The following SLC71A1 variants were observed in gnomAD, a reference collection of about 807,000 sequenced individuals.
SLC71A1 encodes the protein hippocampus abundant gene transcript 1.
chr1:100,049,314 A>G, the SLC71A1 span, among the ~76,000 whole-genome samples: 2 of 141,134 alleles, frequency 1.4e-5, no homozygotes, highest in African/African-American at 5.2e-5. Flanking sequence ...CACTTGCTTC[A>G]TTTATGGTTT....
chr1:100,046,217 T>TTG, the SLC71A1 span, among the ~76,000 whole-genome samples: 2 of 71,772 alleles, frequency 2.8e-5, no homozygotes, highest in East Asian at 3.1e-4. Context: ...GCCTCGTTTT[T>TTG]TTTTTTTTTT....
At chr1:100,076,365 A>T in the SLC71A1 span, among the ~76,000 whole-genome samples, 2 of 152,292 alleles carry the variant, frequency 1.3e-5, no homozygotes, top group South Asian at 2.1e-4. Flanking sequence ...GCAAAAAAAA[A>T]TTTTCTAATG....
the SLC71A1 span, among the ~76,000 whole-genome samples, chr1:100,067,189 A>G: frequency 1.3e-5 from 2 of 152,028 alleles, no homozygotes; most frequent in Non-Finnish European, 2.9e-5. Context: ...ATTTATTGGA[A>G]CAGAGGGCTC....
At chr1:100,070,952 A>C in the SLC71A1 span, among the ~76,000 whole-genome samples, 1 of 152,092 alleles carries the variant, frequency 6.6e-6, no homozygotes, top group African/African-American at 2.4e-5. Context: ...ACAAATTTCA[A>C]ATTTAAATCC....
the SLC71A1 span, among the ~76,000 whole-genome samples, chr1:100,042,122 A>G: frequency 6.6e-6 from 1 of 152,188 alleles, no homozygotes; most frequent in African/African-American, 2.4e-5. Flanking sequence ...ACAGTATTCA[A>G]ATTGAATTTT....
chr1:100,070,805 C>T, the SLC71A1 span, among the ~76,000 whole-genome samples: 1 of 152,108 alleles, frequency 6.6e-6, no homozygotes, highest in Admixed American at 6.6e-5. Context: ...CTTTTTCTCA[C>T]CTTAGATGTA....
the SLC71A1 span, among the ~76,000 whole-genome samples, chr1:100,077,785 G>A: frequency 6.6e-6 from 1 of 152,142 alleles, no homozygotes; most frequent in South Asian, 2.1e-4. Flanking sequence ...GACGCTTGTT[G>A]TCAGGCTGCC....
At chr1:100,057,048 C>T in the SLC71A1 span, among the ~76,000 whole-genome samples, 6 of 152,164 alleles carry the variant, frequency 3.9e-5, no homozygotes, top group South Asian at 1.2e-3. Context: ...TGTTTGAGCC[C>T]CTTATACATT....
At chr1:100,042,621 T>G in the SLC71A1 span, among the ~76,000 whole-genome samples, 4 of 151,980 alleles carry the variant, frequency 2.6e-5, no homozygotes, top group Non-Finnish European at 4.4e-5. Flanking sequence ...TTTTTTTTTC[T>G]TTTGAGACAG....
the SLC71A1 span, among the ~76,000 whole-genome samples, chr1:100,046,212 GTTTTTTTTTTTTTTTTTT>G: frequency 3.0e-4 from 16 of 54,078 alleles, no homozygotes; most frequent in Non-Finnish European, 5.4e-4. Flanking sequence ...TCCAAGCCTC[GTTTTTTTTTTTTTTTTTT>G]TTTTTTTTTT....
the SLC71A1 span, among the ~76,000 whole-genome samples, chr1:100,041,901 GTGA>G: frequency 6.6e-6 from 1 of 150,854 alleles, no homozygotes; most frequent in African/African-American, 2.5e-5. Context: ...TCCAGCCTGG[GTGA>G]TGGAGTGAAA....
the SLC71A1 span, chr1:100,058,594 A>C: frequency 1.2e-6 from 1 of 817,212 alleles, no homozygotes; most frequent in Non-Finnish European, 2.1e-6. Flanking sequence ...GGATGTTCAA[A>C]AAGGTAAATG....
chr1:100,038,377 A>AC, the SLC71A1 span: 9 of 1,333,264 alleles, frequency 6.8e-6, no homozygotes, highest in African/African-American at 1.5e-5. Context: ...TCTCCTTCAG[A>AC]CCCCCACACT....
the SLC71A1 span, among the ~76,000 whole-genome samples, chr1:100,077,931 C>G: frequency 6.6e-6 from 1 of 152,152 alleles, no homozygotes; most frequent in Non-Finnish European, 1.5e-5. Flanking sequence ...ATGATTTGTT[C>G]TCCAAACTAG....
At chr1:100,041,704 A>G in the SLC71A1 span, among the ~76,000 whole-genome samples, 1 of 152,336 alleles carries the variant, frequency 6.6e-6, no homozygotes, top group East Asian at 1.9e-4. Flanking sequence ...TGGGCAGATC[A>G]CTTGAGGCCA....
chr1:100,059,175 A>G, the SLC71A1 span, among the ~76,000 whole-genome samples: 3 of 73,944 alleles, frequency 4.1e-5, no homozygotes, highest in Non-Finnish European at 6.6e-5. Context: ...TTTTTTTGAG[A>G]CAGAGTCTTG....
the SLC71A1 span, chr1:100,038,236 A>G: frequency 3.2e-6 from 5 of 1,556,528 alleles, no homozygotes; most frequent in Non-Finnish European, 4.3e-6. Context: ...TGGTAAAATG[A>G]CCCAGGGGAA....
chr1:100,043,667 C>G, the SLC71A1 span, among the ~76,000 whole-genome samples: 1 of 152,170 alleles, frequency 6.6e-6, no homozygotes, highest in African/African-American at 2.4e-5. Context: ...GCACCTGTCA[C>G]CTGACCAGTG....
At chr1:100,039,768 A>G in the SLC71A1 span, among the ~76,000 whole-genome samples, 1 of 152,226 alleles carries the variant, frequency 6.6e-6, no homozygotes, top group Non-Finnish European at 1.5e-5. Flanking sequence ...AGACCAAGTG[A>G]TATTTAAGAT....
Sources: allele counts gnomAD v4.1 joint callset (sites outside exome capture counted in the v4.1 genomes callset), GRCh38; gene constraint gnomAD v4.1.1; transcripts MANE v1.5; gene names NCBI Gene and HGNC (gene_info 2026-07-23, HGNC 2026-07-21).